BBOX1: variants seen among roughly 807,000 people sequenced by gnomAD.
BBOX1 encodes gamma-butyrobetaine dioxygenase.
BBOX1 carries 35 observed loss-of-function variants against 41.6 expected under a neutral mutation model. The ratio of observed to expected loss-of-function variants is 0.84; its 90% CI spans 0.64 to 1.11. BBOX1 has a LOEUF of 1.11. BBOX1 is among the 50% of genes most tolerant of loss of function. The probability of loss-of-function intolerance (pLI) is 0.00; values close to 1 mark genes in which losing one functional copy is unlikely to be tolerated. For synonymous variants in BBOX1, 163 were observed against 154.7 expected, an observed-to-expected ratio of 1.05 and a Z score of -0.40; for missense variants, 458 against 460.6, an observed-to-expected ratio of 0.99 and a Z score of 0.05.
intron 4 of BBOX1, among the ~76,000 whole-genome samples, chr11:27,065,769 T>G (rs1457972646): frequency 6.6e-6 from 1 of 152,218 alleles, no homozygotes; most frequent in Non-Finnish European, 1.5e-5. Flanking sequence ...TTTAAAAGCC[T>G]GTATACTACT....
intron 5 of BBOX1, among the ~76,000 whole-genome samples, chr11:27,095,066 A>G (rs1044293428): frequency 6.6e-6 from 1 of 152,068 alleles, no homozygotes; most frequent in Non-Finnish European, 1.5e-5. Flanking sequence ...GCCCACAGAT[A>G]GTAATAAAGG....
At chr11:27,089,777 T>C (rs891567587) in intron 4 of BBOX1, among the ~76,000 whole-genome samples, 9 of 151,990 alleles carry the variant, frequency 5.9e-5, no homozygotes, top group African/African-American at 1.9e-4. Flanking sequence ...AGGTGTGAGC[T>C]TTGGAAAGAG....
At chr11:27,069,642 T>C (rs7926675) in intron 4 of BBOX1, among the ~76,000 whole-genome samples, 62,016 of 151,942 alleles carry the variant, frequency 0.41, 13,243 homozygotes, top group African/African-American at 0.55. Flanking sequence ...CATCCTTAAC[T>C]TGTTCCAGTT....
intron 6 of BBOX1, among the ~76,000 whole-genome samples, chr11:27,117,895 C>T (rs1455602923): frequency 6.6e-6 from 1 of 151,976 alleles, no homozygotes; most frequent in East Asian, 1.9e-4. Flanking sequence ...ACACGAGATT[C>T]AATATTTTTA....
At chr11:27,087,256 G>A (rs528864958) in intron 4 of BBOX1, among the ~76,000 whole-genome samples, 46 of 152,122 alleles carry the variant, frequency 3.0e-4, no homozygotes, top group Admixed American at 2.6e-3. Flanking sequence ...GAAATACTTT[G>A]TGAAAGAAAG....
At chr11:27,088,718 T>C (rs561327655) in intron 4 of BBOX1, among the ~76,000 whole-genome samples, 33 of 152,120 alleles carry the variant, frequency 2.2e-4, no homozygotes, top group Non-Finnish European at 4.3e-4. Context: ...TTATATGCAG[T>C]TGTTAAAATT....
At chr11:27,091,444 A>G (rs1443651134) in intron 4 of BBOX1, among the ~76,000 whole-genome samples, 1 of 151,882 alleles carries the variant, frequency 6.6e-6, no homozygotes, top group African/African-American at 2.4e-5. Flanking sequence ...ACTGTATCAA[A>G]CCATCCTTCC....
At chr11:27,093,084 A>G in intron 4 of BBOX1, 84 bp from the exon 5 acceptor site, 1 of 1,308,382 alleles carries the variant, frequency 7.6e-7, no homozygotes, top group Non-Finnish European at 1.1e-6. Flanking sequence ...ATCAACTTTA[A>G]TGAACTAGCC....
At chr11:27,057,460 C>A in intron 4 of BBOX1, 145 bp downstream of exon 4, 1 of 650,016 alleles carries the variant, frequency 1.5e-6, no homozygotes, top group Non-Finnish European at 2.6e-6. Flanking sequence ...TAAAGTTTTA[C>A]CGACAAATAT....
intron 5 of BBOX1, among the ~76,000 whole-genome samples, chr11:27,107,954 C>T (rs943245871): frequency 1.3e-5 from 2 of 152,060 alleles, no homozygotes; most frequent in Non-Finnish European, 2.9e-5. Context: ...AAGCAGATGA[C>T]ATTTCTAAGA....
chr11:27,041,905 C>T (rs990300677), intron 2 of BBOX1, among the ~76,000 whole-genome samples: 1 of 152,118 alleles, frequency 6.6e-6, no homozygotes, highest in Non-Finnish European at 1.5e-5. Flanking sequence ...CACAACCCAT[C>T]CCAAAGAATG....
At chr11:27,068,260 A>T (rs1857349536) in intron 4 of BBOX1, among the ~76,000 whole-genome samples, 1 of 152,120 alleles carries the variant, frequency 6.6e-6, no homozygotes, top group African/African-American at 2.4e-5. Flanking sequence ...TTTTAATAAT[A>T]GCCATTCTGG....
Position 27,093,331 on chromosome 11 carries a change from G to C in BBOX1, c.498G>C (p.Gly166=), listed in dbSNP as rs1024530023. The change falls in exon 5 of 9, where the codon GGG becomes GGC. Residue 166 remains glycine (G), a synonymous_variant. Coordinates refer to ENST00000263182, the MANE Select transcript of BBOX1 (RefSeq NM_003986.3). The part of the protein sequence containing the change: ...SDKPGEVSKL[G]KRMGFLYLTF... Reference sequence around the variant, plus strand: ...AACCAGGAGAAGTTTCAAAACTTGGGAAAAGGATGGGTTTCCTCTATCTCA... The same window carrying C: ...AACCAGGAGAAGTTTCAAAACTTGGCAAAAGGATGGGTTTCCTCTATCTCA... 1 of 1,612,410 alleles carries C rather than the reference G, an allele frequency of 6.2e-7. No homozygotes were observed. Among genetic ancestry groups the C allele is most frequent in the Admixed American group, 1.7e-5 (1 of 59,828 alleles).
intron 4 of BBOX1, among the ~76,000 whole-genome samples, chr11:27,066,063 T>C (rs905239693): frequency 1.3e-5 from 2 of 152,190 alleles, no homozygotes; most frequent in Non-Finnish European, 2.9e-5. Flanking sequence ...TATTCTAATG[T>C]TTTTGCTCTT....
chr11:27,055,662 A>T lies in BBOX1; in HGVS notation c.219+13A>T. 1 of 1,592,506 alleles carries T rather than the reference A, an allele frequency of 6.3e-7. No homozygotes were observed. Among genetic ancestry groups the T allele is most frequent in the Non-Finnish European group, 8.6e-7 (1 of 1,161,526 alleles). ...TGACAGAAAAAAGGTAATTATCTCTAAATTATGTCTCCCTTCTTTCTCAAG... is the reference window on the plus strand; with the variant it reads ...TGACAGAAAAAAGGTAATTATCTCTTAATTATGTCTCCCTTCTTTCTCAAG... On this transcript the variant is annotated intron_variant, in intron 3 of 8. Transcript: ENST00000263182.
At chr11:27,047,821 A>G (rs1444017860) in intron 2 of BBOX1, among the ~76,000 whole-genome samples, 1 of 152,042 alleles carries the variant, frequency 6.6e-6, no homozygotes, top group Non-Finnish European at 1.5e-5. Flanking sequence ...AACTTCAAAC[A>G]GTAAGTGGCA....
At chr11:27,098,591 A>T (rs1250077914) in intron 5 of BBOX1, among the ~76,000 whole-genome samples, 1 of 152,076 alleles carries the variant, frequency 6.6e-6, no homozygotes, top group East Asian at 1.9e-4. Flanking sequence ...TGGCTTTATC[A>T]TACTATAATT....
intron 7 of BBOX1, among the ~76,000 whole-genome samples, chr11:27,120,331 T>C (rs1020435360): frequency 2.6e-5 from 4 of 152,136 alleles, no homozygotes; most frequent in Admixed American, 2.6e-4. Flanking sequence ...CAAACAATGC[T>C]TTTACTTCCC....
At chr11:27,107,756 C>T (rs1858922050) in intron 5 of BBOX1, among the ~76,000 whole-genome samples, 1 of 152,006 alleles carries the variant, frequency 6.6e-6, no homozygotes, top group South Asian at 2.1e-4. Context: ...ACTAACCAGG[C>T]CTAATCCTGC....
Sources: gnomAD v4.1 joint callset for allele counts (sites outside exome capture counted in the v4.1 genomes callset) on GRCh38, gnomAD v4.1.1 for gene constraint, MANE v1.5 for transcripts, NCBI Gene and HGNC (gene_info 2026-07-23, HGNC 2026-07-21) for gene names.